Variants in SMG6 observed in about 807,000 individuals in gnomAD.
SMG6 encodes telomerase-binding protein EST1A.
Under a neutral mutation model 142.2 loss-of-function variants are expected in SMG6, and 66 were observed. The observed-to-expected ratio is 0.46, with a 90% CI of 0.38 to 0.57. The LOEUF is 0.57. SMG6 is among the 20% of genes least tolerant of loss of function. The pLI is 0.00. For missense variants in SMG6, 1,793 were observed against 1,832.0 expected (o/e 0.98, Z 0.39); for synonymous variants, 779 against 702.4 (o/e 1.11, Z -1.72).
At chr17:2,131,936 G>A (rs1039810086) in intron 13 of SMG6, among the ~76,000 whole-genome samples, 2 of 152,048 alleles carry the variant, frequency 1.3e-5, no homozygotes, top group Admixed American at 6.6e-5. Flanking sequence ...GCCAGGTGTG[G>A]TGGTGGGCAC....
Position 2,303,618 on chromosome 17 carries a change from G to A in SMG6, c.88+15C>T. Reference sequence around the variant, plus strand: ...GCGGGCAGGCCCGGCCCAGGAGCTGGGCGGCGCGACTCACCTCTGCTCCCG... The same window carrying A: ...GCGGGCAGGCCCGGCCCAGGAGCTGAGCGGCGCGACTCACCTCTGCTCCCG... On this transcript the variant is annotated intron_variant, in intron 1 of 18. Coordinates refer to ENST00000263073, the MANE Select transcript of SMG6 (RefSeq NM_017575.5). The A allele has an allele frequency of 6.9e-7, 1 of 1,445,282 alleles. No homozygotes were observed. The highest frequency in any genetic ancestry group is 9.1e-7 in the Non-Finnish European group (1 of 1,103,750). The allele number at this position is 1,445,282 out of a possible 1,614,324, so 89.5% of individuals were successfully genotyped here.
At chr17:2,088,479 T>C in intron 13 of SMG6, 1 of 985,458 alleles carries the variant, frequency 1.0e-6, no homozygotes, top group Non-Finnish European at 1.2e-6. Flanking sequence ...TTGGGGATTG[T>C]GTCTGTCATA....
intron 6 of SMG6, among the ~76,000 whole-genome samples, chr17:2,288,093 C>T (rs1211433736): frequency 6.6e-6 from 1 of 151,034 alleles, no homozygotes; most frequent in East Asian, 2.0e-4. Context: ...GTGGGTGGAT[C>T]ACCTGAAGTC....
chr17:2,255,382 C>A (rs1241402796), intron 8 of SMG6, among the ~76,000 whole-genome samples: 3 of 110,478 alleles, frequency 2.7e-5, no homozygotes. Flanking sequence ...CCAGCCTGGG[C>A]GACAGAGCGA....
chr17:2,120,972 TA>T (rs1258428640), intron 13 of SMG6, among the ~76,000 whole-genome samples: 1 of 151,668 alleles, frequency 6.6e-6, no homozygotes, highest in African/African-American at 2.4e-5. Context: ...ATGATGAGCT[TA>T]AAAAAAAGCG....
intron 8 of SMG6, among the ~76,000 whole-genome samples, chr17:2,278,225 CA>C (rs2074705221): frequency 6.9e-6 from 1 of 144,530 alleles, no homozygotes; most frequent in African/African-American, 2.6e-5. Flanking sequence ...TTTTTTGAGA[CA>C]AAGTCTCCCT....
rs753632487 is a variant in SMG6, at chr17:2,282,713, G to A, written c.2595C>T (p.Ser865=). 14 of 1,614,094 alleles carry A rather than the reference G, an allele frequency of 8.7e-6. No individual in the cohort carries two copies. The highest frequency in any genetic ancestry group is 1.2e-5 in the Non-Finnish European group (14 of 1,180,022). Reference sequence around the variant, plus strand: ...AATCCTTCCCAGACTCAGTGCCCTGGGAAGACCGTGGATGGGATGGATGAA... The same window carrying A: ...AATCCTTCCCAGACTCAGTGCCCTGAGAAGACCGTGGATGGGATGGATGAA... ...IWIHPSHPRS[S]QGTESGKDSE... is the part of the protein sequence containing the mutation. Residue 865 remains serine (S), a synonymous_variant, in exon 8 of 19, where the codon TCC becomes TCT. Coordinates refer to ENST00000263073, the MANE Select transcript of SMG6 (RefSeq NM_017575.5).
In SMG6 at chr17:2,300,218, C is replaced by T; in HGVS notation, c.535G>A (p.Glu179Lys). 1.2e-6 allele frequency: 2 copies of T among 1,614,206 alleles called. No homozygotes were observed. The highest frequency in any genetic ancestry group is 1.7e-6 in the Non-Finnish European group (2 of 1,180,044). ...LNQVEQLRVE[E>K]DECRGNVAKE... ...GCAACATTTCCCCTACACTCATCTT[C>T]CTCTACTCTCAGTTGTTCTACCTGG... Residue 179 changes from glutamate to lysine, a missense_variant, in exon 2 of 19, where the codon GAA becomes AAA. Physicochemically the swap from Glu to Lys is moderately conservative, Grantham distance 56. Around this residue, in one of 3 missense-constraint regions of SMG6, gnomAD observed 1,597 missense variants for 1,584.6 expected, o/e 1.01. Transcript: ENST00000263073.
At chr17:2,134,736 C>A (rs2070236936) in intron 13 of SMG6, among the ~76,000 whole-genome samples, 1 of 152,132 alleles carries the variant, frequency 6.6e-6, no homozygotes, top group African/African-American at 2.4e-5. Context: ...CAGTAGGAAT[C>A]TTGTAATTTT....
chr17:2,090,152 C>T (rs1178352020), intron 13 of SMG6, among the ~76,000 whole-genome samples: 1 of 143,040 alleles, frequency 7.0e-6, no homozygotes, highest in African/African-American at 2.6e-5. Flanking sequence ...CACCGCACTC[C>T]AGCCCAGGCA....
At chr17:2,294,938 CAG>C in intron 4 of SMG6, among the ~76,000 whole-genome samples, 1 of 151,690 alleles carries the variant, frequency 6.6e-6, no homozygotes, top group Non-Finnish European at 1.5e-5. Context: ...TGCAATAACG[CAG>C]TCTTAGCTCA....
In SMG6 at chr17:2,242,809, C is replaced by T. The variant is rs556321812; in HGVS notation, c.2723+1849G>A. Reference sequence around the variant, plus strand: ...CGGATGTGTTATTTTTAAGATGATACCGATATCATCTTATCCACCTTCAAC... The same window carrying T: ...CGGATGTGTTATTTTTAAGATGATATCGATATCATCTTATCCACCTTCAAC... On this transcript the variant is annotated intron_variant, in intron 9 of 18. Coordinates refer to ENST00000263073, the MANE Select transcript of SMG6 (RefSeq NM_017575.5). Among the ~76,000 whole-genome samples, 11 of 151,970 alleles carry T rather than the reference C, an allele frequency of 7.2e-5. No homozygotes were observed. The South Asian group carries it at 2.3e-3, about 32-fold the overall frequency.
At chr17:2,194,148 T>G (rs1187908040) in intron 10 of SMG6, among the ~76,000 whole-genome samples, 1 of 152,146 alleles carries the variant, frequency 6.6e-6, no homozygotes, top group Non-Finnish European at 1.5e-5. Flanking sequence ...AGTTGGTGGA[T>G]GCAGGGGGGA....
chr17:2,148,556 GT>G (rs1467851475), intron 13 of SMG6, among the ~76,000 whole-genome samples: 1 of 152,202 alleles, frequency 6.6e-6, no homozygotes, highest in Non-Finnish European at 1.5e-5. Context: ...GGTTCACAGA[GT>G]AGTCAAATTT....
chr17:2,158,277 C>A (rs770766257), intron 13 of SMG6, among the ~76,000 whole-genome samples: 2 of 152,058 alleles, frequency 1.3e-5, no homozygotes, highest in Non-Finnish European at 2.9e-5. Context: ...ACCACGTTTT[C>A]CTCTGCATTC....
At chr17:2,080,778 G>A (rs965718315) in intron 15 of SMG6, among the ~76,000 whole-genome samples, 21 of 152,060 alleles carry the variant, frequency 1.4e-4, no homozygotes, top group African/African-American at 5.1e-4. Flanking sequence ...TGGGATTACA[G>A]GTGTGCACCA....
rs1186581855 is a variant in SMG6, at chr17:2,236,167, C to T, written c.2869+325G>A. 4 of 190,858 alleles carry T rather than the reference C, an allele frequency of 2.1e-5. No homozygotes were observed. The East Asian group carries it at 4.0e-4, about 19-fold the overall frequency. The allele number at this position is 190,858 out of a possible 1,614,324, so 11.8% of individuals were successfully genotyped here. On this transcript the variant is annotated intron_variant, in intron 10 of 18. Transcript: ENST00000263073. ...TGAAACATCTCAGCAATGCCTCTCC[C>T]TTGGGAGAGGCTCTGGGTCTGCAGC... is the stretch of plus-strand genomic sequence containing the variant.
At chr17:2,211,101 T>TAAAAAAAAA (rs56893397) in intron 10 of SMG6, among the ~76,000 whole-genome samples, 1 of 141,160 alleles carries the variant, frequency 7.1e-6, no homozygotes. Flanking sequence ...TGGATTTTAT[T>TAAAAAAAAA]AAAAAAAAAA....
In SMG6 at chr17:2,186,903, C is replaced by T. The variant is rs572546816; in HGVS notation, c.2987-72G>A. ...CCGAGTGAGGCCTGGGGCGCTGGGACGGCAGCAAGCTCTTAGGGAAGGGAG... is the reference window on the plus strand; with the variant it reads ...CCGAGTGAGGCCTGGGGCGCTGGGATGGCAGCAAGCTCTTAGGGAAGGGAG... On this transcript the variant is annotated intron_variant, in intron 11 of 18. Coordinates refer to ENST00000263073, the MANE Select transcript of SMG6 (RefSeq NM_017575.5). 2.6e-5 allele frequency: 40 copies of T among 1,524,250 alleles called. No homozygotes were observed. In the Middle Eastern group the frequency reaches 8.7e-4, roughly 33 times the overall value. 94.4% of individuals were successfully genotyped at this position (1,524,250 alleles called of 1,614,324 possible). A position where few individuals can be genotyped will look rare whatever the true frequency, so the allele number is the denominator to read the frequency against.
Sources: allele counts gnomAD v4.1 joint callset (sites outside exome capture counted in the v4.1 genomes callset), GRCh38; gene constraint gnomAD v4.1.1; regional missense constraint gnomAD v4.1.1; transcripts MANE v1.5; gene names NCBI Gene and HGNC (gene_info 2026-07-23, HGNC 2026-07-21).